The following MTA3 variants were observed in gnomAD, a reference collection of about 807,000 sequenced individuals.
MTA3 encodes metastasis associated 1 family member 3, also known as metastasis-associated protein MTA3.
Under a neutral mutation model 83.5 loss-of-function variants are expected in MTA3, and 34 were observed. That is an observed-to-expected ratio of 0.41 (90% CI 0.31 to 0.54). The LOEUF is 0.54. MTA3 is among the 20% of genes least tolerant of loss of function. The pLI, the probability that MTA3 is intolerant of heterozygous loss-of-function variation, is 0.33. For missense variants in MTA3, 761 were observed against 726.4 expected, an observed-to-expected ratio of 1.05 and a Z score of -0.55; for synonymous variants, 303 against 252.7, an observed-to-expected ratio of 1.20 and a Z score of -1.89.
intron 16 of MTA3, among the ~76,000 whole-genome samples, chr2:42,742,465 A>G (rs553022951): frequency 3.8e-4 from 57 of 151,932 alleles, no homozygotes; most frequent in African/African-American, 1.4e-3. Context: ...CTTCACCATC[A>G]TTTTTTGCCT....
chr2:42,628,965 A>G (rs1686402149), intron 4 of MTA3, among the ~76,000 whole-genome samples: 1 of 152,184 alleles, frequency 6.6e-6, no homozygotes, highest in Admixed American at 6.6e-5. Context: ...ATGGGAGTAG[A>G]TTGGAATAGA....
chr2:42,735,261 CT>C (rs1266792126), intron 16 of MTA3, among the ~76,000 whole-genome samples: 1 of 152,012 alleles, frequency 6.6e-6, no homozygotes, highest in East Asian at 1.9e-4. Flanking sequence ...AGTTTTTTTC[CT>C]TTAGCACTTT....
intron 2 of MTA3, among the ~76,000 whole-genome samples, chr2:42,505,469 C>A (rs1384452250): frequency 6.6e-6 from 1 of 152,116 alleles, no homozygotes; most frequent in African/African-American, 2.4e-5. Flanking sequence ...AGAACCAATA[C>A]TGAAACCCAC....
At chr2:42,621,911 AC>A (rs992873097) in intron 4 of MTA3, among the ~76,000 whole-genome samples, 1 of 142,178 alleles carries the variant, frequency 7.0e-6, no homozygotes, top group Admixed American at 7.1e-5. Flanking sequence ...GGCGCTCCTC[AC>A]TTCTCAGACT....
chr2:42,718,950 A>G (rs1473257343), intron 14 of MTA3, 38 bp from the exon 15 acceptor site: 6 of 1,472,132 alleles, frequency 4.1e-6, no homozygotes, highest in Admixed American at 2.0e-5. Flanking sequence ...AGAGAAATCC[A>G]TTTCATTGGT....
At chr2:42,635,409 C>T (rs186238895) in intron 4 of MTA3, among the ~76,000 whole-genome samples, 3 of 152,028 alleles carry the variant, frequency 2.0e-5, no homozygotes, top group African/African-American at 4.8e-5. Flanking sequence ...GGGTGGATCA[C>T]CTGAAATTAG....
chr2:42,640,024 A>G, intron 4 of MTA3, 149 bp from the exon 5 acceptor site: 1 of 551,294 alleles, frequency 1.8e-6, no homozygotes. Context: ...TAGGATTGTA[A>G]AGTGGGTCTA....
intron 8 of MTA3, among the ~76,000 whole-genome samples, chr2:42,670,061 A>G (rs1690654942): frequency 6.6e-6 from 1 of 152,202 alleles, no homozygotes; most frequent in Non-Finnish European, 1.5e-5. Flanking sequence ...GGAGTTCGAG[A>G]CCAGCCTGAC....
At position 42,736,921 on chromosome 2, in the gene MTA3, TG is replaced by T. The variant is rs572545617; in HGVS notation, c.1759+13889del. On this transcript the variant is annotated intron_variant, in intron 16 of 16. Coordinates refer to ENST00000405094, the MANE Select transcript of MTA3 (RefSeq NM_001330442.2). ...TTGAAGTGTGTTTTCAAATGTCATC[TG>T]GGAGTTAGGGCCTGGAATGGGGGCC... Among the ~76,000 whole-genome samples the T allele has an allele frequency of 2.7e-3, 412 of 152,254 alleles. 2 individuals carry two copies. Among genetic ancestry groups the T allele is most frequent in the Non-Finnish European group, 4.1e-3 (279 of 68,026 alleles).
At chr2:42,507,917 G>A (rs1674709000) in intron 2 of MTA3, among the ~76,000 whole-genome samples, 1 of 150,878 alleles carries the variant, frequency 6.6e-6, no homozygotes, top group Admixed American at 6.7e-5. Context: ...CTGCATTCCA[G>A]CCTGAGCAAC....
At chr2:42,732,141 AGGGACTCTGTGTG>A (rs1255194139) in intron 16 of MTA3, among the ~76,000 whole-genome samples, 1 of 152,192 alleles carries the variant, frequency 6.6e-6, no homozygotes, top group Non-Finnish European at 1.5e-5. Context: ...GTGCCCCAGT[AGGGACTCTGTGTG>A]GGGACTCTGG....
chr2:42,715,811 A>G lies in MTA3; in HGVS notation c.1526-3177A>G, dbSNP rs1379813595. Among the ~76,000 whole-genome samples the G allele has an allele frequency of 2.0e-5, 3 of 152,180 alleles. No individual in the cohort carries two copies. In the East Asian group the frequency reaches 5.8e-4, roughly 29 times the overall value. ...TTGGCAGTTTTCCTTTGGGTCATCT[A>G]GACTGGAATAAAAGGCAAATCTTAT... On this transcript the variant is annotated intron_variant, in intron 14 of 16. Coordinates refer to ENST00000405094, the MANE Select transcript of MTA3 (RefSeq NM_001330442.2).
At position 42,755,775 on chromosome 2, in the gene MTA3, T is replaced by C. The variant is rs1371485711; in HGVS notation, c.*2376T>C. ...GTGTGTCAGTGGCATGTCACTGTGG[T>C]TCAGTGAGCACATGGGTGGACGTGC... On this transcript the variant is annotated 3_prime_UTR_variant, in exon 17 of 17. Transcript: ENST00000405094. 2.0e-6 allele frequency: 2 copies of C among 985,352 alleles called. No homozygotes were observed. Among genetic ancestry groups the C allele is most frequent in the African/African-American group, 3.5e-5 (2 of 57,212 alleles). 61.0% of individuals were successfully genotyped at this position (985,352 alleles called of 1,614,324 possible). A position where few individuals can be genotyped will look rare whatever the true frequency, so the allele number is the denominator to read the frequency against.
chr2:42,599,264 A>C (rs1248084627), intron 3 of MTA3, among the ~76,000 whole-genome samples: 1 of 152,132 alleles, frequency 6.6e-6, no homozygotes, highest in South Asian at 2.1e-4. Flanking sequence ...ACATTATAAA[A>C]ATAGTTGGCT....
chr2:42,689,992 T>G (rs990103248), intron 9 of MTA3, among the ~76,000 whole-genome samples: 1 of 152,030 alleles, frequency 6.6e-6, no homozygotes, highest in Non-Finnish European at 1.5e-5. Context: ...TGATTGAAGC[T>G]TAGGGCTACA....
chr2:42,652,889 A>C (rs560238774), intron 6 of MTA3, among the ~76,000 whole-genome samples: 417 of 152,298 alleles, frequency 2.7e-3, no homozygotes, highest in Non-Finnish European at 3.9e-3. Flanking sequence ...CCTGAATTAC[A>C]TATAATATAA....
intron 4 of MTA3, among the ~76,000 whole-genome samples, chr2:42,633,185 C>G (rs1291067271): frequency 6.6e-6 from 1 of 151,706 alleles, no homozygotes; most frequent in Non-Finnish European, 1.5e-5. Flanking sequence ...ATCGTTTGAA[C>G]CTGGAAGGCA....
intron 2 of MTA3, among the ~76,000 whole-genome samples, chr2:42,516,128 A>G (rs1675135427): frequency 6.6e-6 from 1 of 151,994 alleles, no homozygotes; most frequent in Non-Finnish European, 1.5e-5. Flanking sequence ...TGTTAGCTCC[A>G]GGATGGTCTT....
At chr2:42,553,899 G>A (rs1329898478) in intron 2 of MTA3, among the ~76,000 whole-genome samples, 5 of 103,950 alleles carry the variant, frequency 4.8e-5, no homozygotes, top group Non-Finnish European at 7.7e-5. Flanking sequence ...AAAAAAAAAC[G>A]AAAGAAAGAA....
Sources: allele counts gnomAD v4.1 joint callset (sites outside exome capture counted in the v4.1 genomes callset), GRCh38; gene constraint gnomAD v4.1.1; transcripts MANE v1.5; gene names NCBI Gene and HGNC (gene_info 2026-07-23, HGNC 2026-07-21).